Variants in CACNA1E observed in about 807,000 individuals in gnomAD.
CACNA1E encodes the protein calcium voltage-gated channel subunit alpha1 E.
CACNA1E carries 40 observed loss-of-function variants against 259.2 expected under a neutral mutation model. That is an observed-to-expected ratio of 0.15 (90% confidence interval 0.12 to 0.20). The LOEUF is 0.20. Among genes scored for constraint, CACNA1E ranks in the 10% least tolerant of loss-of-function variants. The pLI is 1.00. For synonymous variants in CACNA1E, 1,104 were observed against 1,138.5 expected (o/e 0.97, Z 0.61); for missense variants, 1,874 against 3,040.1 (o/e 0.62, Z 9.02).
chr1:181,601,274 C>T (rs1448715065), intron 6 of CACNA1E, among the ~76,000 whole-genome samples: 1 of 152,132 alleles, frequency 6.6e-6, no homozygotes, highest in Non-Finnish European at 1.5e-5. Flanking sequence ...GTTTTTAAAG[C>T]TTAATTTTTA....
intron 2 of CACNA1E, among the ~76,000 whole-genome samples, chr1:181,423,662 A>ATTTTTTTTTTTTTTTTTTTTTTTTTTTTT (rs11302089): frequency 1.5e-5 from 2 of 130,992 alleles, no homozygotes; most frequent in Admixed American, 7.9e-5. Flanking sequence ...CATTGGGCCA[A>ATTTTTTTTTTTTTTTTTTTTTTTTTTTTT]TTTTTTTTTT....
chr1:181,538,283 G>T (rs1445834739), intron 3 of CACNA1E, among the ~76,000 whole-genome samples: 1 of 152,162 alleles, frequency 6.6e-6, no homozygotes, highest in South Asian at 2.1e-4. Flanking sequence ...AATCTTTCAG[G>T]TTCAGAGAAC....
chr1:181,571,790 A>G (rs1428389331), intron 3 of CACNA1E, among the ~76,000 whole-genome samples: 1 of 152,114 alleles, frequency 6.6e-6, no homozygotes, highest in East Asian at 1.9e-4. Context: ...AGCTTGGGAG[A>G]CATCCTGGAC....
At chr1:181,782,067 A>G (rs1387711081) in intron 39 of CACNA1E, among the ~76,000 whole-genome samples, 1 of 152,248 alleles carries the variant, frequency 6.6e-6, no homozygotes, top group Admixed American at 6.5e-5. Flanking sequence ...GAAGAATGGC[A>G]TAGGTTCCTT....
At chr1:181,775,792 C>T (rs920657574) in intron 37 of CACNA1E, among the ~76,000 whole-genome samples, 2 of 152,178 alleles carry the variant, frequency 1.3e-5, no homozygotes, top group Non-Finnish European at 1.5e-5. Context: ...TCTGGTGCTA[C>T]AACAGCAAAA....
intron 46 of CACNA1E, 83 bp from the exon 47 acceptor site, chr1:181,796,585 G>A (rs1661826110): frequency 2.8e-6 from 3 of 1,054,692 alleles, no homozygotes; most frequent in Non-Finnish European, 2.7e-6. Context: ...AGGCTGTGAT[G>A]TGATACTTGG....
intron 2 of CACNA1E, among the ~76,000 whole-genome samples, chr1:181,448,322 C>T (rs1660925719): frequency 6.6e-6 from 1 of 152,180 alleles, no homozygotes; most frequent in South Asian, 2.1e-4. Context: ...ATCTCAACAA[C>T]CAGATGAGAT....
intron 7 of CACNA1E, among the ~76,000 whole-genome samples, chr1:181,653,168 A>T (rs1386883058): frequency 1.3e-5 from 2 of 152,076 alleles, no homozygotes; most frequent in Non-Finnish European, 2.9e-5. Context: ...TCATTTTCTT[A>T]TAGTTCTGAA....
chr1:181,424,493 G>A (rs992864987), intron 2 of CACNA1E, among the ~76,000 whole-genome samples: 5 of 152,240 alleles, frequency 3.3e-5, no homozygotes, highest in African/African-American at 1.2e-4. Flanking sequence ...AAGGTGGTGC[G>A]CGAGCAGCGC....
At chr1:181,513,310 G>T (rs1259832285) in intron 3 of CACNA1E, among the ~76,000 whole-genome samples, 1 of 152,184 alleles carries the variant, frequency 6.6e-6, no homozygotes, top group Non-Finnish European at 1.5e-5. Context: ...TTAAATGCTT[G>T]TAATTTTGCT....
At chr1:181,424,102 T>G (rs6696547) in intron 2 of CACNA1E, among the ~76,000 whole-genome samples, 1 of 151,902 alleles carries the variant, frequency 6.6e-6, no homozygotes, top group Non-Finnish European at 1.5e-5. Flanking sequence ...CCAAAACATA[T>G]GCCAGTGGAA....
Position 181,772,123 on chromosome 1 carries a change from C to A in CACNA1E, c.5031C>A (p.Gly1677=), listed in dbSNP as rs374198016. Residue 1677 remains glycine (G), a synonymous_variant, in exon 37 of 48, where the codon GGC becomes GGA. Coordinates refer to ENST00000367573, the MANE Select transcript of CACNA1E (RefSeq NM_001205293.3). ...EIMLSCLGEK[G]CEPDTTAPSG... is the part of the protein sequence containing the mutation. ...TGCTGTCATGCCTTGGGGAGAAGGG[C>A]TGTGAGCCTGACACCACCGCACCAT... is the stretch of plus-strand genomic sequence containing the variant. 6.2e-7 allele frequency: 1 copy of A among 1,613,936 alleles called. No homozygotes were observed. The highest frequency in any genetic ancestry group is 8.5e-7 in the Non-Finnish European group (1 of 1,179,862).
chr1:181,439,787 G>A (rs993791333), intron 2 of CACNA1E, among the ~76,000 whole-genome samples: 2 of 152,110 alleles, frequency 1.3e-5, no homozygotes, highest in African/African-American at 4.8e-5. Context: ...GGATTTTCCC[G>A]AGTGATGGCC....
chr1:181,333,211 C>G (rs938765599), intron 1 of CACNA1E, among the ~76,000 whole-genome samples: 5 of 152,212 alleles, frequency 3.3e-5, no homozygotes, highest in Non-Finnish European at 7.3e-5. Context: ...CCAGTCCCTT[C>G]TGGCATGAAC....
chr1:181,466,381 TAA>T (rs35383451), intron 2 of CACNA1E, among the ~76,000 whole-genome samples: 77 of 145,280 alleles, frequency 5.3e-4, no homozygotes, highest in African/African-American at 9.8e-4. Flanking sequence ...TATTTCTACT[TAA>T]AAAAAAAAAA....
intron 1 of CACNA1E, among the ~76,000 whole-genome samples, chr1:181,399,118 C>G (rs112052662): frequency 1.1e-4 from 17 of 152,084 alleles, no homozygotes; most frequent in Non-Finnish European, 2.2e-4. Context: ...TTCCGTCCTT[C>G]CTCTGAAGTT....
At chr1:181,709,677 G>A (rs1653142290) in intron 7 of CACNA1E, among the ~76,000 whole-genome samples, 1 of 152,118 alleles carries the variant, frequency 6.6e-6, no homozygotes, top group African/African-American at 2.4e-5. Context: ...GCCCAGGCTG[G>A]AGTGCAGTGG....
chr1:181,794,433 C>T lies in CACNA1E; in HGVS notation c.6028-431C>T, dbSNP rs78659415. ...TGCTGCAGGGCAGGGCCTTCTCTGG[C>T]AAGGGCGTTTAAAAAAAAAAAAGCA... On this transcript the variant is annotated intron_variant, in intron 45 of 47. Transcript: ENST00000367573. 3.6e-3 allele frequency among the ~76,000 whole-genome samples: 538 copies of T among 150,194 alleles called. 2 individuals carry two copies. Among genetic ancestry groups the T allele is most frequent in the Middle Eastern group, 0.01 (3 of 292 alleles).
At chr1:181,496,047 C>T (rs1479199436) in intron 1 of CACNA1E, among the ~76,000 whole-genome samples, 2 of 152,196 alleles carry the variant, frequency 1.3e-5, no homozygotes, top group East Asian at 1.9e-4. Context: ...GATCAGAACT[C>T]GTGCTCTTAA....
Sources: allele counts gnomAD v4.1 joint callset (sites outside exome capture counted in the v4.1 genomes callset), GRCh38; gene constraint gnomAD v4.1.1; transcripts MANE v1.5; gene names NCBI Gene and HGNC (gene_info 2026-07-23, HGNC 2026-07-21).